NAA50: variants seen among roughly 807,000 people sequenced by gnomAD.
The protein encoded by NAA50 is N-alpha-acetyltransferase 50.
NAA50 carries 7 observed loss-of-function variants against 20.7 expected under a neutral mutation model. The ratio of observed to expected loss-of-function variants is 0.34; its 90% CI spans 0.19 to 0.63. The LOEUF is 0.63. NAA50 is among the 30% of genes least tolerant of loss of function. NAA50 has a pLI of 0.75. For missense variants in NAA50, 111 were observed against 199.1 expected, an observed-to-expected ratio of 0.56 and a Z score of 2.66; for synonymous variants, 54 against 70.6, an observed-to-expected ratio of 0.77 and a Z score of 1.18.
intron 4 of NAA50, 84 bp from the exon 5 acceptor site, chr3:113,722,021 ATC>A: frequency 8.0e-7 from 1 of 1,249,978 alleles, no homozygotes; most frequent in Non-Finnish European, 1.1e-6. Context: ...AGCTCCAAAC[ATC>A]TGTTACATTC....
At chr3:113,745,634 C>CGG in intron 1 of NAA50, 1 of 373,610 alleles carries the variant, frequency 2.7e-6, no homozygotes, top group Non-Finnish European at 4.8e-6. Context: ...AAGGAGGCCC[C>CGG]GGGCGCTTCA....
At position 113,741,758 on chromosome 3, in the gene NAA50, T is replaced by C. The variant is rs1332274478; in HGVS notation, c.8+4184A>G. ...CAGAAAGTATTGATTATTCTTTGTT[T>C]AGAGCTTTCCTAAGAGTTGTCTGCA... On this transcript the variant is annotated intron_variant, in intron 1 of 4. Transcript: ENST00000240922. 3.3e-5 allele frequency among the ~76,000 whole-genome samples: 5 copies of C among 152,350 alleles called. No homozygotes were observed. The East Asian group carries it at 7.7e-4, about 23-fold the overall frequency.
intron 1 of NAA50, among the ~76,000 whole-genome samples, chr3:113,735,990 T>G (rs1044021534): frequency 6.6e-6 from 1 of 152,200 alleles, no homozygotes; most frequent in East Asian, 1.9e-4. Context: ...CTGGCCTGAT[T>G]CACAGTTTTT....
In NAA50 at chr3:113,721,176, G is replaced by A. The variant is rs1708129936; in HGVS notation, c.*584C>T. On this transcript the variant is annotated 3_prime_UTR_variant, in exon 5 of 5. Coordinates refer to ENST00000240922, the MANE Select transcript of NAA50 (RefSeq NM_025146.4). ...ACCAAACTGCCCCACCCACCAGCAA[G>A]AAGAGAAGATATAATTACTTAAAAA... The A allele has an allele frequency of 6.5e-6, 1 of 152,968 alleles. No individual in the cohort carries two copies. Among genetic ancestry groups the A allele is most frequent in the Admixed American group, 6.5e-5 (1 of 15,284 alleles). The allele number at this position is 152,968 out of a possible 1,614,324, so 9.5% of individuals were successfully genotyped here. A position where few individuals can be genotyped will look rare whatever the true frequency, so the allele number is the denominator to read the frequency against.
At chr3:113,745,561 A>T (rs572469340) in intron 1 of NAA50, among the ~76,000 whole-genome samples, 1 of 152,314 alleles carries the variant, frequency 6.6e-6, no homozygotes, top group South Asian at 2.1e-4. Flanking sequence ...CTGGAGGTGG[A>T]AGACAACCAA....
At chr3:113,741,232 C>G in intron 1 of NAA50, 1 of 448,122 alleles carries the variant, frequency 2.2e-6, no homozygotes, top group Non-Finnish European at 4.4e-6. Flanking sequence ...GCTCCAGGTC[C>G]TCAGTACACA....
intron 1 of NAA50, among the ~76,000 whole-genome samples, chr3:113,742,062 T>C (rs1337774807): frequency 1.3e-5 from 2 of 152,218 alleles, no homozygotes; most frequent in Non-Finnish European, 2.9e-5. Flanking sequence ...ATATTTTATA[T>C]GAATTCATCT....
intron 1 of NAA50, 126 bp downstream of exon 1, chr3:113,745,816 G>C: frequency 7.8e-6 from 9 of 1,160,286 alleles, no homozygotes; most frequent in Non-Finnish European, 1.1e-5. Context: ...GAACTGAGAA[G>C]CAGAGAAATC....
At chr3:113,744,289 C>G (rs1325211320) in intron 1 of NAA50, among the ~76,000 whole-genome samples, 1 of 151,964 alleles carries the variant, frequency 6.6e-6, no homozygotes, top group Non-Finnish European at 1.5e-5. Flanking sequence ...TAGTCAGACC[C>G]CCGTCTCTAC....
At chr3:113,744,194 G>C (rs1190499771) in intron 1 of NAA50, among the ~76,000 whole-genome samples, 4 of 152,182 alleles carry the variant, frequency 2.6e-5, no homozygotes, top group Admixed American at 2.6e-4. Context: ...GCGTTCAGTG[G>C]CTCACACCTG....
At chr3:113,742,100 ATT>A (rs1708424860) in intron 1 of NAA50, among the ~76,000 whole-genome samples, 1 of 152,242 alleles carries the variant, frequency 6.6e-6, no homozygotes, top group South Asian at 2.1e-4. Flanking sequence ...ATTACAAAGT[ATT>A]TGTTAAAATT....
intron 1 of NAA50, among the ~76,000 whole-genome samples, chr3:113,728,621 AAG>A (rs1481301318): frequency 6.6e-6 from 1 of 152,234 alleles, no homozygotes; most frequent in Admixed American, 6.5e-5. Flanking sequence ...GAAGCTGAAA[AAG>A]AACCAATTTT....
intron 4 of NAA50, among the ~76,000 whole-genome samples, 190 bp downstream of exon 4, chr3:113,722,716 A>G (rs1332290758): frequency 6.6e-6 from 1 of 152,116 alleles, no homozygotes; most frequent in Non-Finnish European, 1.5e-5. Context: ...GTTCTATCTC[A>G]GGTTCCTAAT....
chr3:113,730,708 G>A (rs1486678372), intron 1 of NAA50, among the ~76,000 whole-genome samples: 5 of 152,122 alleles, frequency 3.3e-5, no homozygotes, highest in Admixed American at 6.5e-5. Flanking sequence ...CTGCTTGTTT[G>A]GTTTCTTTCA....
intron 1 of NAA50, among the ~76,000 whole-genome samples, chr3:113,742,442 T>C (rs78165074): frequency 6.6e-6 from 1 of 150,938 alleles, no homozygotes; most frequent in East Asian, 1.9e-4. Context: ...TTTTTTTTTT[T>C]TGAGACAGAG....
chr3:113,734,305 G>A (rs1330601646), intron 1 of NAA50, among the ~76,000 whole-genome samples: 1 of 152,076 alleles, frequency 6.6e-6, no homozygotes, highest in African/African-American at 2.4e-5. Context: ...ACTAGAAGAG[G>A]GAGAAGGGAG....
intron 1 of NAA50, among the ~76,000 whole-genome samples, chr3:113,728,432 A>G (rs1708228458): frequency 6.6e-6 from 1 of 152,238 alleles, no homozygotes; most frequent in South Asian, 2.1e-4. Flanking sequence ...TACATATAGT[A>G]CAAAAATAAT....
intron 1 of NAA50, among the ~76,000 whole-genome samples, chr3:113,737,830 G>T (rs898924120): frequency 6.6e-6 from 1 of 152,074 alleles, no homozygotes; most frequent in Non-Finnish European, 1.5e-5. Context: ...AGTGTCTTCA[G>T]ACATTACCAA....
At chr3:113,741,934 T>G (rs540752620) in intron 1 of NAA50, among the ~76,000 whole-genome samples, 13 of 152,356 alleles carry the variant, frequency 8.5e-5, no homozygotes, top group African/African-American at 2.6e-4. Context: ...ATGGCATAGT[T>G]GTGCCACATC....
Sources: allele counts gnomAD v4.1 joint callset (sites outside exome capture counted in the v4.1 genomes callset), GRCh38; gene constraint gnomAD v4.1.1; transcripts MANE v1.5; gene names NCBI Gene and HGNC (gene_info 2026-07-23, HGNC 2026-07-21).